PDPN: variants seen among roughly 807,000 people sequenced by gnomAD.
The protein encoded by PDPN is podoplanin, also known as PA2.26 antigen.
PDPN carries 12 observed loss-of-function variants against 23.2 expected under a neutral mutation model. The ratio of observed to expected loss-of-function variants is 0.52; its 90% CI spans 0.33 to 0.84. PDPN has a LOEUF of 0.84. Ranked by LOEUF, PDPN falls within the 40% of genes least tolerant of loss-of-function variation. PDPN has a pLI of 0.02. For missense variants in PDPN, 199 were observed against 212.2 expected (o/e 0.94, Z 0.39); for synonymous variants, 77 against 76.7 (o/e 1.00, Z -0.02).
At chr1:13,613,978 G>T in intron 4 of PDPN, among the ~76,000 whole-genome samples, 2 of 151,088 alleles carry the variant, frequency 1.3e-5, no homozygotes, top group Admixed American at 1.3e-4. Context: ...GGGGAATGGT[G>T]TCATATCACA....
chr1:13,583,786 C>T (rs763889776), upstream of PDPN: 3 of 1,516,312 alleles, frequency 2.0e-6, no homozygotes, highest in South Asian at 1.3e-5. Context: ...CCCGCTCCCC[C>T]GCCTCCTCGG....
intron 1 of PDPN, among the ~76,000 whole-genome samples, chr1:13,591,623 C>G (rs1256801666): frequency 1.3e-5 from 2 of 152,132 alleles, no homozygotes. Flanking sequence ...GCCTTTTGTG[C>G]CTGGCTTCAT....
chr1:13,585,505 C>T lies in PDPN; in HGVS notation c.67+1405C>T. ...GCAAATGACACCGTTTTGTGCTCAC[C>T]AGGGCAAAGCAAGGGAGCGCCCTCA... On this transcript the variant is annotated intron_variant, in intron 1 of 5. Transcript: ENST00000621990. The T allele has an allele frequency of 2.2e-6, 3 of 1,349,136 alleles. 1 individual carries two copies. The highest frequency in any genetic ancestry group is 2.3e-5 in the South Asian group (2 of 87,814). 83.6% of individuals were successfully genotyped at this position (1,349,136 alleles called of 1,614,324 possible).
intron 1 of PDPN, among the ~76,000 whole-genome samples, chr1:13,601,569 A>G (rs145549269): frequency 6.6e-6 from 1 of 152,164 alleles, no homozygotes; most frequent in African/African-American, 2.4e-5. Flanking sequence ...GTTGGTCAGG[A>G]TGGTCTCAAA....
chr1:13,615,835 A>G, intron 5 of PDPN, 70 bp from the exon 6 acceptor site: 1 of 1,373,558 alleles, frequency 7.3e-7, no homozygotes, highest in South Asian at 1.2e-5. Context: ...CAATAGGAAA[A>G]AGGACTCACG....
At chr1:13,601,297 T>G (rs1640635419) in intron 1 of PDPN, among the ~76,000 whole-genome samples, 1 of 152,160 alleles carries the variant, frequency 6.6e-6, no homozygotes, top group Admixed American at 6.5e-5. Context: ...GTGGGGATAG[T>G]TGGCAGTGTC....
Position 13,607,280 on chromosome 1 carries a change from C to G in PDPN, c.175C>G (p.Arg59Gly). ...GGTGACTCCAGGAACCAGCGAAGAC[C>G]GCTATAAGTCTGGCTTGACAACTCT... Reference protein sequence around the residue: ...DVVTPGTSEDRYKSGLTTLVA... With the variant: ...DVVTPGTSEDGYKSGLTTLVA... Residue 59 changes from arginine to glycine, a missense_variant, in exon 2 of 6, where the codon CGC becomes GGC. By Grantham distance (125) the Arg-to-Gly change is moderately radical (BLOSUM62 -2). Transcript: ENST00000621990. 2 of 1,614,038 alleles carry G rather than the reference C, an allele frequency of 1.2e-6. No individual in the cohort carries two copies. Among genetic ancestry groups the G allele is most frequent in the Non-Finnish European group, 1.7e-6 (2 of 1,179,958 alleles).
chr1:13,605,904 A>G (rs149989528), intron 1 of PDPN, among the ~76,000 whole-genome samples: 1,829 of 152,208 alleles, frequency 0.012, 37 homozygotes, highest in African/African-American at 0.042. Context: ...TACAGGCGTG[A>G]GCCACCACAC....
At chr1:13,593,408 C>A (rs1258246128) in intron 1 of PDPN, among the ~76,000 whole-genome samples, 1 of 152,130 alleles carries the variant, frequency 6.6e-6, no homozygotes, top group Non-Finnish European at 1.5e-5. Context: ...AAGTTTGCTG[C>A]TTGAATTTCC....
rs200087687 is a variant in PDPN at position 13,615,958 on chromosome 1, C to T, written c.*47C>T. On this transcript the variant is annotated 3_prime_UTR_variant, in exon 6 of 6. Transcript: ENST00000621990. ...GCTGCCAACGTGCTTAAAAAAAGACCGTTTCTGACTCTGTGCCCTGTCCCT... is the reference window on the plus strand; with the variant it reads ...GCTGCCAACGTGCTTAAAAAAAGACTGTTTCTGACTCTGTGCCCTGTCCCT... 1.6e-5 allele frequency: 25 copies of T among 1,584,456 alleles called. No homozygotes were observed. Among genetic ancestry groups the T allele is most frequent in the South Asian group, 5.5e-5 (5 of 90,482 alleles).
At chr1:13,590,985 A>T (rs551700741) in intron 1 of PDPN, among the ~76,000 whole-genome samples, 80 of 152,032 alleles carry the variant, frequency 5.3e-4, no homozygotes, top group African/African-American at 1.9e-3. Context: ...TCTGTTGCCC[A>T]GGCTGGAGTG....
chr1:13,605,070 A>G (rs368978141), intron 1 of PDPN, among the ~76,000 whole-genome samples: 1 of 152,268 alleles, frequency 6.6e-6, no homozygotes, highest in Non-Finnish European at 1.5e-5. Flanking sequence ...GGCTCATAGA[A>G]CAAGTGAACT....
intron 3 of PDPN, among the ~76,000 whole-genome samples, chr1:13,612,398 A>G (rs1640957634): frequency 6.6e-6 from 1 of 152,212 alleles, no homozygotes; most frequent in Non-Finnish European, 1.5e-5. Context: ...CTTTAGTAAT[A>G]TATTTTCTAA....
chr1:13,597,147 G>A (rs1046030448), intron 1 of PDPN, among the ~76,000 whole-genome samples: 4 of 152,182 alleles, frequency 2.6e-5, no homozygotes, highest in African/African-American at 4.8e-5. Context: ...TTGGGGAGGT[G>A]CTAGAATTAA....
At chr1:13,584,217 G>A in intron 1 of PDPN, 117 bp downstream of exon 1, 1 of 1,520,026 alleles carries the variant, frequency 6.6e-7, no homozygotes, top group East Asian at 2.4e-5. Flanking sequence ...GGGGAGCTGA[G>A]GGTGTGTGCG....
Position 13,608,995 on chromosome 1 carries a change from C to G in PDPN, c.202-1392C>G, listed in dbSNP as rs192334249. Among the ~76,000 whole-genome samples, 62 of 152,290 alleles carry G rather than the reference C, an allele frequency of 4.1e-4. 1 individual carries two copies. The East Asian group carries it at 0.011, about 27-fold the overall frequency. ...CCTCCATCAGAAGTCACCCTCTAGCCCTTAGGTCAGCAAACTACCCACCAG... is the reference window on the plus strand; with the variant it reads ...CCTCCATCAGAAGTCACCCTCTAGCGCTTAGGTCAGCAAACTACCCACCAG... On this transcript the variant is annotated intron_variant, in intron 2 of 5. Transcript: ENST00000621990.
At chr1:13,604,563 G>T (rs149453257) in intron 1 of PDPN, among the ~76,000 whole-genome samples, 1 of 152,164 alleles carries the variant, frequency 6.6e-6, no homozygotes, top group African/African-American at 2.4e-5. Flanking sequence ...AATGAACTGA[G>T]CTTTCTATGA....
chr1:13,586,051 A>G (rs1438328340), intron 1 of PDPN, among the ~76,000 whole-genome samples: 2 of 151,936 alleles, frequency 1.3e-5, no homozygotes, highest in Non-Finnish European at 2.9e-5. Context: ...CACATCTGGC[A>G]TTTTTTTCCA....
At chr1:13,612,415 G>A (rs939567186) in intron 3 of PDPN, among the ~76,000 whole-genome samples, 34 of 152,104 alleles carry the variant, frequency 2.2e-4, no homozygotes, top group African/African-American at 8.2e-4. Flanking sequence ...CTAACCAATG[G>A]TGTCTTTGAT....
Sources: allele counts gnomAD v4.1 joint callset (sites outside exome capture counted in the v4.1 genomes callset), GRCh38; gene constraint gnomAD v4.1.1; transcripts MANE v1.5; gene names NCBI Gene and HGNC (gene_info 2026-07-23, HGNC 2026-07-21).